The following PDE4DIP variants were observed in gnomAD, a reference collection of about 807,000 sequenced individuals.
PDE4DIP encodes the protein myomegalin.
PDE4DIP carries 59 observed loss-of-function variants against 221.4 expected under a neutral mutation model. The ratio of observed to expected loss-of-function variants is 0.27; its 90% CI spans 0.22 to 0.33. The LOEUF is 0.33. PDE4DIP is among the 10% of genes least tolerant of loss of function. The probability of loss-of-function intolerance (pLI) is 1.00; values close to 1 mark genes in which losing one functional copy is unlikely to be tolerated. For missense variants in PDE4DIP, 1,036 were observed against 2,154.2 expected (o/e 0.48, Z 10.28); for synonymous variants, 404 against 815.9 (o/e 0.50, Z 8.60).
At chr1:148,859,792 T>TGTG (rs1239476009) in intron 1 of PDE4DIP, among the ~76,000 whole-genome samples, 3 of 113,072 alleles carry the variant, frequency 2.7e-5, no homozygotes, top group Non-Finnish European at 5.6e-5. Context: ...TATTACCACT[T>TGTG]TGTGTGTGTG....
intron 22 of PDE4DIP, among the ~76,000 whole-genome samples, 175 bp from the exon 26 acceptor site, chr1:148,997,968 C>G: frequency 6.6e-6 from 1 of 152,042 alleles, no homozygotes; most frequent in African/African-American, 2.4e-5. Flanking sequence ...CCTTCCCACC[C>G]AAACCAGTCC....
chr1:149,016,168 A>C, intron 32 of PDE4DIP, 131 bp from the exon 36 acceptor site: 1 of 583,502 alleles, frequency 1.7e-6, no homozygotes, highest in Non-Finnish European at 3.1e-6. Flanking sequence ...TTAGTATACC[A>C]AAGTGAACTG....
At chr1:148,870,895 TC>T (rs1689104355) in intron 3 of PDE4DIP, among the ~76,000 whole-genome samples, 1 of 144,408 alleles carries the variant, frequency 6.9e-6, no homozygotes, top group Non-Finnish European at 1.5e-5. Flanking sequence ...CATGGTATTT[TC>T]TGTAAAGTTT....
At chr1:148,965,429 T>G in intron 9 of PDE4DIP, 55 bp from the exon 13 acceptor site, 1 of 926,392 alleles carries the variant, frequency 1.1e-6, no homozygotes. Flanking sequence ...CCTCTGTATC[T>G]AATAACCATG....
At chr1:148,990,164 G>A in intron 21 of PDE4DIP, 1 of 964,476 alleles carries the variant, frequency 1.0e-6, no homozygotes, top group Non-Finnish European at 1.2e-6. Flanking sequence ...CTGGGCCATT[G>A]CAAATATATA....
intron 1 of PDE4DIP, among the ~76,000 whole-genome samples, chr1:148,859,612 T>C (rs1443047992): frequency 9.2e-5 from 14 of 151,574 alleles, no homozygotes; most frequent in Non-Finnish European, 5.9e-5. Flanking sequence ...AGATTATATA[T>C]GGAAATGCAG....
At chr1:148,954,591 T>A (rs1553499951) in intron 5 of PDE4DIP, among the ~76,000 whole-genome samples, 1 of 152,236 alleles carries the variant, frequency 6.6e-6, no homozygotes, top group Non-Finnish European at 1.5e-5. Context: ...GCCAGAACTC[T>A]ACTGAGTTCT....
intron 26 of PDE4DIP, among the ~76,000 whole-genome samples, chr1:149,004,538 A>T (rs1307834818): frequency 2.1e-5 from 1 of 48,192 alleles, no homozygotes; most frequent in Non-Finnish European, 4.1e-5. Flanking sequence ...TCCTAAATAG[A>T]TAAGGCCATG....
chr1:148,979,967 G>A, intron 20 of PDE4DIP, 118 bp downstream of exon 23: 3 of 1,310,596 alleles, frequency 2.3e-6, no homozygotes, highest in Non-Finnish European at 2.1e-6. Flanking sequence ...GAAGAGGGGA[G>A]AAAAAAGAGG....
rs1672259925 is a variant in PDE4DIP, at chr1:148,832,265, AT to A, written c.233+23533del. 1.1e-4 allele frequency among the ~76,000 whole-genome samples: 4 copies of A among 37,714 alleles called. No homozygotes were observed. The South Asian group carries it at 3.6e-3, about 34-fold the overall frequency. 24.7% of individuals were successfully genotyped at this position (37,714 alleles called of 152,430 possible). On this transcript the variant is annotated intron_variant, in intron 1 of 45. Coordinates refer to the PDE4DIP transcript ENST00000524974. ...TTACTGGTGTATAAGAATGCTTGTGATTTTTGCACATTGATTTTGTATCATG... is the reference window on the plus strand; with the variant it reads ...TTACTGGTGTATAAGAATGCTTGTGATTTTGCACATTGATTTTGTATCATG...
chr1:149,024,196 A>G (rs1219760395), intron 37 of PDE4DIP: 1 of 382,838 alleles, frequency 2.6e-6, no homozygotes, highest in Admixed American at 4.3e-5. Flanking sequence ...ACTTATCTTC[A>G]TCTGCCAATC....
intron 21 of PDE4DIP, among the ~76,000 whole-genome samples, chr1:148,986,963 G>A (rs1200335056): frequency 1.3e-5 from 2 of 152,184 alleles, no homozygotes; most frequent in Non-Finnish European, 1.5e-5. Flanking sequence ...TAATTTACAT[G>A]TGCCTTGGTT....
At chr1:148,859,421 G>T (rs1553398359) in intron 1 of PDE4DIP, among the ~76,000 whole-genome samples, 1 of 151,086 alleles carries the variant, frequency 6.6e-6, no homozygotes, top group Admixed American at 6.6e-5. Context: ...GAAAATGCTT[G>T]GTACTTCCGA....
At chr1:149,016,166 C>T in intron 32 of PDE4DIP, 133 bp from the exon 36 acceptor site, 2 of 578,664 alleles carry the variant, frequency 3.5e-6, no homozygotes, top group South Asian at 4.0e-5. Flanking sequence ...AATTAGTATA[C>T]CAAAGTGAAC....
chr1:148,893,138 A>T (rs1699385301), intron 1 of PDE4DIP, among the ~76,000 whole-genome samples: 4 of 116,424 alleles, frequency 3.4e-5, no homozygotes, highest in Admixed American at 2.9e-4. Flanking sequence ...GCAGAGATTG[A>T]GGTCTCACTC....
intron 21 of PDE4DIP, chr1:148,984,517 C>T (rs587671550): frequency 7.2e-5 from 11 of 152,026 alleles, no homozygotes; most frequent in South Asian, 2.1e-4. Flanking sequence ...ACTCTGTGGC[C>T]GATGTACATA....
At chr1:148,832,749 T>C (rs1571521291) in intron 1 of PDE4DIP, among the ~76,000 whole-genome samples, 3 of 143,450 alleles carry the variant, frequency 2.1e-5, no homozygotes, top group African/African-American at 7.4e-5. Context: ...GATTTGCATA[T>C]GTTGAACCAG....
chr1:149,028,595 C>A (rs1553632419), exon 41 of PDE4DIP: 1 of 1,610,658 alleles, frequency 6.2e-7, no homozygotes, highest in Non-Finnish European at 8.5e-7. Flanking sequence ...AGCTTCGGAG[C>A]AGCACCAGTG....
chr1:149,030,409 G>A (rs1553635972), intron 43 of PDE4DIP, 131 bp downstream of exon 46: 3 of 1,508,974 alleles, frequency 2.0e-6, no homozygotes, highest in Non-Finnish European at 2.7e-6. Flanking sequence ...CCACTTGCAA[G>A]ATCACAGGTC....
Sources: allele counts gnomAD v4.1 joint callset (sites outside exome capture counted in the v4.1 genomes callset), GRCh38; gene constraint gnomAD v4.1.1; transcripts MANE v1.5; gene names NCBI Gene and HGNC (gene_info 2026-07-23, HGNC 2026-07-21).